TCF4: variants seen among roughly 807,000 people sequenced by gnomAD.
The protein encoded by TCF4 is transcription factor 4, also known as SL3-3 enhancer factor 2.
In TCF4, 3 loss-of-function variants were observed where a neutral mutation model predicts 82.1. The ratio of observed to expected loss-of-function variants is 0.04; its 90% CI spans 0.02 to 0.09. The LOEUF is 0.09. TCF4 is among the 10% of genes least tolerant of loss of function. The probability of loss-of-function intolerance (pLI) is 1.00; values close to 1 mark genes in which losing one functional copy is unlikely to be tolerated. For missense variants in TCF4, 518 were observed against 852.7 expected (o/e 0.61, Z 4.89); for synonymous variants, 276 against 309.6 (o/e 0.89, Z 1.14).
chr18:55,401,255 C>A, intron 6 of TCF4: 2 of 1,188,032 alleles, frequency 1.7e-6, no homozygotes, highest in Non-Finnish European at 2.1e-6. Context: ...CCTCTGTCAG[C>A]AAATTTCCAA....
At chr18:55,352,566 T>C (rs2082537297) in intron 6 of TCF4, among the ~76,000 whole-genome samples, 1 of 152,176 alleles carries the variant, frequency 6.6e-6, no homozygotes, top group African/African-American at 2.4e-5. Context: ...ATTGCTAGTA[T>C]CTTAATGTTT....
chr18:55,234,904 G>A (rs1475592049), intron 15 of TCF4, among the ~76,000 whole-genome samples: 1 of 152,162 alleles, frequency 6.6e-6, no homozygotes, highest in African/African-American at 2.4e-5. Context: ...GACAAATATG[G>A]CAGAGTAGCT....
At chr18:55,590,752 C>T (rs186007030), upstream of TCF4, among the ~76,000 whole-genome samples, 44 of 152,294 alleles carry the variant, frequency 2.9e-4, no homozygotes, top group Admixed American at 2.6e-3. Context: ...ACAGATAACA[C>T]ATGTGTTTAC....
chr18:55,308,028 T>A (rs2147133165), intron 8 of TCF4, among the ~76,000 whole-genome samples: 1 of 152,346 alleles, frequency 6.6e-6, no homozygotes, highest in African/African-American at 2.4e-5. Context: ...AGTGCATGTA[T>A]GAATGAACAT....
intron 6 of TCF4, among the ~76,000 whole-genome samples, chr18:55,367,953 G>A (rs2087692234): frequency 6.6e-6 from 1 of 152,196 alleles, no homozygotes; most frequent in African/African-American, 2.4e-5. Context: ...GAAAGACAAT[G>A]TAAAACTCTG....
chr18:55,413,131 G>C (rs925478747), intron 5 of TCF4, among the ~76,000 whole-genome samples: 9 of 152,038 alleles, frequency 5.9e-5, no homozygotes, highest in African/African-American at 2.2e-4. Context: ...AAGAATGGGG[G>C]GGGACATGAC....
intron 3 of TCF4, chr18:55,546,736 A>G (rs1359478768): frequency 6.6e-6 from 1 of 152,252 alleles, no homozygotes; most frequent in Non-Finnish European, 1.5e-5. Flanking sequence ...GAAAAATAAT[A>G]AATTTTCAGC....
At chr18:55,242,439 C>G (rs1280784743) in intron 15 of TCF4, among the ~76,000 whole-genome samples, 1 of 152,142 alleles carries the variant, frequency 6.6e-6, no homozygotes, top group African/African-American at 2.4e-5. Flanking sequence ...ATCTGTGAGA[C>G]TATGTCTGAA....
intron 8 of TCF4, among the ~76,000 whole-genome samples, chr18:55,293,067 T>C (rs1229548592): frequency 6.6e-6 from 1 of 152,162 alleles, no homozygotes. Flanking sequence ...CTCAACATTG[T>C]GAATGTACTA....
At chr18:55,496,132 C>A (rs943193522) in intron 3 of TCF4, 1 of 152,142 alleles carries the variant, frequency 6.6e-6, no homozygotes, top group Admixed American at 6.6e-5. Context: ...ACTACTACAG[C>A]GTAAGCCTGT....
intron 6 of TCF4, among the ~76,000 whole-genome samples, chr18:55,374,446 C>T (rs115479792): frequency 0.016 from 2,379 of 150,904 alleles, 85 homozygotes; most frequent in African/African-American, 0.054. Flanking sequence ...AATATATTTG[C>T]TAAATAGATA....
chr18:55,586,359 T>C, intron 2 of TCF4: 1 of 594,932 alleles, frequency 1.7e-6, no homozygotes, highest in Non-Finnish European at 3.0e-6. Context: ...TCTCCTGACA[T>C]GTCTGGGACT....
chr18:55,532,758 G>T (rs1049034296), intron 3 of TCF4, among the ~76,000 whole-genome samples: 1 of 151,944 alleles, frequency 6.6e-6, no homozygotes, highest in African/African-American at 2.4e-5. Context: ...TTTACTCTTC[G>T]AAAGAGTTCA....
chr18:55,292,023 A>G (rs1304752722), intron 8 of TCF4, among the ~76,000 whole-genome samples: 1 of 152,194 alleles, frequency 6.6e-6, no homozygotes, highest in Non-Finnish European at 1.5e-5. Context: ...AAGAAGGGCA[A>G]TAATATTCCT....
chr18:55,483,384 T>C (rs754761200), intron 3 of TCF4, among the ~76,000 whole-genome samples: 4 of 152,230 alleles, frequency 2.6e-5, no homozygotes, highest in Non-Finnish European at 5.9e-5. Flanking sequence ...TACTCATTCG[T>C]TTCACAAATA....
intron 3 of TCF4, among the ~76,000 whole-genome samples, chr18:55,582,231 A>G (rs914299725): frequency 6.6e-6 from 1 of 152,110 alleles, no homozygotes; most frequent in African/African-American, 2.4e-5. Flanking sequence ...CTACTTTTCA[A>G]TGAGAATAAT....
intron 3 of TCF4, among the ~76,000 whole-genome samples, chr18:55,565,342 G>C (rs1211776575): frequency 6.7e-6 from 1 of 150,144 alleles, no homozygotes; most frequent in Non-Finnish European, 1.5e-5. Context: ...ATAAATGCAA[G>C]AAATAAGGAA....
intron 3 of TCF4, among the ~76,000 whole-genome samples, chr18:55,522,800 T>A (rs1454436346): frequency 6.6e-6 from 1 of 152,130 alleles, no homozygotes; most frequent in African/African-American, 2.4e-5. Context: ...GTTTAACACA[T>A]CTTTCTAGGT....
intron 3 of TCF4, among the ~76,000 whole-genome samples, chr18:55,559,150 C>CAAA (rs748464132): frequency 3.6e-5 from 2 of 56,188 alleles, no homozygotes; most frequent in African/African-American, 6.6e-5. Flanking sequence ...TTCCCCAAAG[C>CAAA]AAAAAAAAAA....
Sources: allele counts gnomAD v4.1 joint callset (sites outside exome capture counted in the v4.1 genomes callset), GRCh38; gene constraint gnomAD v4.1.1; transcripts MANE v1.5; gene names NCBI Gene and HGNC (gene_info 2026-07-23, HGNC 2026-07-21).